The following LY75 variants were observed in gnomAD, a reference collection of about 807,000 sequenced individuals.
The protein encoded by LY75 is C-type lectin domain family 13 member B.
A neutral mutation model predicts 231.7 loss-of-function variants in LY75; 185 were observed. The ratio of observed to expected loss-of-function variants is 0.80; its 90% CI spans 0.71 to 0.90. LY75 has a LOEUF of 0.90. Ranked by LOEUF, LY75 falls within the 40% of genes least tolerant of loss-of-function variation. LY75 has a pLI of 0.00. For missense variants in LY75, 1,947 were observed against 2,050.2 expected, an observed-to-expected ratio of 0.95 and a Z score of 0.97; for synonymous variants, 668 against 689.0, an observed-to-expected ratio of 0.97 and a Z score of 0.48.
At chr2:159,829,880 T>G (rs1683594231) in intron 28 of LY75, among the ~76,000 whole-genome samples, 1 of 152,238 alleles carries the variant, frequency 6.6e-6, no homozygotes, top group Admixed American at 6.5e-5. Flanking sequence ...TAATAGATTT[T>G]CAGTTGCTTC....
At chr2:159,826,214 C>T (rs1683463371) in intron 28 of LY75, among the ~76,000 whole-genome samples, 1 of 152,152 alleles carries the variant, frequency 6.6e-6, no homozygotes, top group South Asian at 2.1e-4. Flanking sequence ...GCCCCATCAC[C>T]TCAGCCCAAA....
At position 159,904,738 on chromosome 2, in the gene LY75, C is replaced by T. The variant is rs947516900; in HGVS notation, c.-56G>A. On this transcript the variant is annotated 5_prime_UTR_variant, in exon 1 of 35. Transcript: ENST00000263636. ...CCTCGGGCGCACGCGGCTCCCGCCC[C>T]GCCTGCTGAGCGCGGCCTGCCCCGC... 1 of 1,361,426 alleles carries T rather than the reference C, an allele frequency of 7.3e-7. No individual in the cohort carries two copies. Among genetic ancestry groups the T allele is most frequent in the African/African-American group, 1.5e-5 (1 of 65,094 alleles). The allele number at this position is 1,361,426 out of a possible 1,614,324, so 84.3% of individuals were successfully genotyped here.
At chr2:159,879,994 C>A (rs1444010134) in intron 8 of LY75, among the ~76,000 whole-genome samples, 1 of 152,162 alleles carries the variant, frequency 6.6e-6, no homozygotes, top group Non-Finnish European at 1.5e-5. Flanking sequence ...TCTAGGTATG[C>A]CATCAATTCA....
chr2:159,896,945 A>G (rs1422590756), intron 2 of LY75, among the ~76,000 whole-genome samples: 1 of 152,148 alleles, frequency 6.6e-6, no homozygotes, highest in Non-Finnish European at 1.5e-5. Context: ...ATATTTGAAA[A>G]GGTCAAGAAA....
intron 28 of LY75, among the ~76,000 whole-genome samples, chr2:159,828,367 A>G (rs1683544549): frequency 6.6e-6 from 1 of 152,096 alleles, no homozygotes; most frequent in South Asian, 2.1e-4. Flanking sequence ...GATTTCCCCA[A>G]AGGTGATATA....
intron 16 of LY75, among the ~76,000 whole-genome samples, chr2:159,856,337 T>C (rs567414385): frequency 9.2e-5 from 14 of 152,218 alleles, no homozygotes; most frequent in Non-Finnish European, 1.5e-4. Context: ...TGAGGTAACT[T>C]CAAATTTACA....
chr2:159,814,605 T>A (rs1266571286), intron 31 of LY75, among the ~76,000 whole-genome samples: 24 of 147,438 alleles, frequency 1.6e-4, no homozygotes, highest in Non-Finnish European at 3.0e-5. Context: ...CAGTGAGCCA[T>A]GTTCATGCCA....
intron 29 of LY75, among the ~76,000 whole-genome samples, chr2:159,818,544 A>G (rs1158013383): frequency 1.3e-5 from 2 of 152,234 alleles, no homozygotes; most frequent in East Asian, 3.8e-4. Flanking sequence ...AGGCAGGAGA[A>G]CTAAAGGTTA....
chr2:159,824,082 A>C (rs1683386856), intron 28 of LY75, among the ~76,000 whole-genome samples: 1 of 152,266 alleles, frequency 6.6e-6, no homozygotes, highest in African/African-American at 2.4e-5. Flanking sequence ...TGACAGGATC[A>C]AATTCACACA....
chr2:159,832,328 T>G (rs1683688731), intron 27 of LY75, among the ~76,000 whole-genome samples: 1 of 152,126 alleles, frequency 6.6e-6, no homozygotes, highest in South Asian at 2.1e-4. Context: ...TGGCATTAGA[T>G]TGACAGAGGA....
chr2:159,848,943 T>C (rs1684298648), intron 23 of LY75, among the ~76,000 whole-genome samples: 1 of 152,188 alleles, frequency 6.6e-6, no homozygotes, highest in African/African-American at 2.4e-5. Context: ...CTTGAAACTT[T>C]TGTTTCAATT....
At chr2:159,821,011 G>A (rs759429630) in intron 28 of LY75, among the ~76,000 whole-genome samples, 1 of 152,046 alleles carries the variant, frequency 6.6e-6, no homozygotes, top group African/African-American at 2.4e-5. Context: ...GCTAACTTTT[G>A]TATATTTTAG....
intron 14 of LY75, among the ~76,000 whole-genome samples, 174 bp from the exon 15 acceptor site, chr2:159,861,063 A>T (rs762384191): frequency 1.3e-5 from 2 of 152,204 alleles, no homozygotes; most frequent in Non-Finnish European, 2.9e-5. Flanking sequence ...AGCAAATGTC[A>T]TAATGTCATA....
chr2:159,816,029 A>G (rs1683110716), intron 30 of LY75, among the ~76,000 whole-genome samples: 1 of 152,184 alleles, frequency 6.6e-6, no homozygotes, highest in Non-Finnish European at 1.5e-5. Context: ...GAAAAGAGAA[A>G]CACTTCCCAA....
intron 28 of LY75, among the ~76,000 whole-genome samples, chr2:159,822,561 C>T (rs1323189358): frequency 2.0e-5 from 3 of 152,206 alleles, no homozygotes; most frequent in Non-Finnish European, 4.4e-5. Flanking sequence ...AGTTAAACAT[C>T]CCTGCCTGAT....
intron 25 of LY75, among the ~76,000 whole-genome samples, chr2:159,838,304 C>T (rs1023711433): frequency 6.6e-6 from 1 of 151,966 alleles, no homozygotes; most frequent in Non-Finnish European, 1.5e-5. Context: ...AACAGCTACA[C>T]AGAATATGTT....
chr2:159,872,578 T>C lies in LY75; in HGVS notation c.1990A>G (p.Arg664Gly), dbSNP rs1056850056. The C allele has an allele frequency of 3.7e-6, 6 of 1,613,598 alleles. No homozygotes were observed. In the African/African-American group the frequency reaches 8.0e-5, roughly 22 times the overall value. Residue 664 changes from arginine (R) to glycine (G), a missense_variant, in exon 13 of 35, where the codon AGA becomes GGA. Physicochemically the swap from Arg to Gly is moderately radical, Grantham distance 125 (BLOSUM62 -2). Coordinates refer to ENST00000263636, the MANE Select transcript of LY75 (RefSeq NM_002349.4). ...TCCCAGTTCCTCTTTCTTACAATTC[T>C]TTCTGCATGGAATACCTTAGCAAAA... ...LSCYKVFHAE[R>G]IVRKRNWEEA... is the part of the protein sequence containing the mutation.
At chr2:159,824,091 C>T (rs1029802989) in intron 28 of LY75, among the ~76,000 whole-genome samples, 11 of 152,202 alleles carry the variant, frequency 7.2e-5, no homozygotes, top group African/African-American at 2.4e-4. Context: ...CAAATTCACA[C>T]ATAACAATAT....
intron 16 of LY75, among the ~76,000 whole-genome samples, chr2:159,857,851 C>T (rs1201339604): frequency 6.6e-6 from 1 of 152,140 alleles, no homozygotes; most frequent in African/African-American, 2.4e-5. Context: ...CCCACTCTCC[C>T]TTCTGTTATC....
Sources: allele counts gnomAD v4.1 joint callset (sites outside exome capture counted in the v4.1 genomes callset), GRCh38; gene constraint gnomAD v4.1.1; transcripts MANE v1.5; gene names NCBI Gene and HGNC (gene_info 2026-07-23, HGNC 2026-07-21).